Variants in IFNAR2 observed in about 807,000 individuals in gnomAD.
IFNAR2 encodes the protein interferon alpha and beta receptor subunit 2.
IFNAR2 carries 30 observed loss-of-function variants against 49.4 expected under a neutral mutation model. The observed-to-expected ratio is 0.61, with a 90% confidence interval of 0.45 to 0.82. The LOEUF is 0.82. Ranked by LOEUF, IFNAR2 falls within the 40% of genes least tolerant of loss-of-function variation. IFNAR2 has a pLI of 0.00. For synonymous variants in IFNAR2, 224 were observed against 234.5 expected, an observed-to-expected ratio of 0.96 and a Z score of 0.41; for missense variants, 600 against 622.7, an observed-to-expected ratio of 0.96 and a Z score of 0.39.
intron 2 of IFNAR2, among the ~76,000 whole-genome samples, chr21:33,242,978 A>G (rs2038730329): frequency 6.6e-6 from 1 of 151,130 alleles, no homozygotes; most frequent in South Asian, 2.1e-4. Context: ...TAGTAGAGAC[A>G]AGGTTTCACC....
At chr21:33,262,336 C>T (rs1359288834) in intron 8 of IFNAR2, among the ~76,000 whole-genome samples, 1 of 146,130 alleles carries the variant, frequency 6.8e-6, no homozygotes, top group Non-Finnish European at 1.5e-5. Flanking sequence ...TGCACTCCAG[C>T]CTGGGCAACA....
intron 1 of IFNAR2, among the ~76,000 whole-genome samples, chr21:33,241,466 T>G (rs1986916593): frequency 6.6e-6 from 1 of 152,188 alleles, no homozygotes. Flanking sequence ...CCAAACATAT[T>G]TTTAAGTGGA....
In IFNAR2 at chr21:33,230,853, C is replaced by A. The variant is rs150734153; in HGVS notation, c.-84+637C>A. ...GGAGAGGGGAGATACTGGGAAGATA[C>A]TCCGCGAATATGGAGAGGCGATCGG... On this transcript the variant is annotated intron_variant, in intron 1 of 8. Transcript: ENST00000342136. This position sits in a 1 kb window ranked among gnomAD's most constrained non-coding sequence, Gnocchi z 5.5. 1.3e-5 allele frequency among the ~76,000 whole-genome samples: 2 copies of A among 152,292 alleles called. No homozygotes were observed. Among genetic ancestry groups the A allele is most frequent in the Non-Finnish European group, 2.9e-5 (2 of 68,024 alleles).
At chr21:33,238,068 C>G (rs907584959) in intron 1 of IFNAR2, among the ~76,000 whole-genome samples, 4 of 152,182 alleles carry the variant, frequency 2.6e-5, no homozygotes, top group Non-Finnish European at 5.9e-5. Flanking sequence ...CACAATCTTC[C>G]TGCGTATCAT....
intron 1 of IFNAR2, among the ~76,000 whole-genome samples, chr21:33,235,913 T>C (rs1986414147): frequency 6.6e-6 from 1 of 151,746 alleles, no homozygotes; most frequent in Admixed American, 6.6e-5. Context: ...GGGGACAGAG[T>C]GAGACTCTGT....
chr21:33,238,031 A>T (rs1201526825), intron 1 of IFNAR2, among the ~76,000 whole-genome samples: 1 of 152,152 alleles, frequency 6.6e-6, no homozygotes, highest in Non-Finnish European at 1.5e-5. Context: ...ATGGCCCAGG[A>T]CATACGACCC....
chr21:33,230,507 C>T lies in IFNAR2; in HGVS notation c.-84+291C>T, dbSNP rs1266608105. The T allele has an allele frequency of 2.1e-6, 1 of 470,410 alleles. No individual in the cohort carries two copies. Among genetic ancestry groups the T allele is most frequent in the East Asian group, 7.0e-5 (1 of 14,286 alleles). The allele number at this position is 470,410 out of a possible 1,614,324, so 29.1% of individuals were successfully genotyped here. On this transcript the variant is annotated intron_variant, in intron 1 of 8. Transcript: ENST00000342136. This position sits in a 1 kb window ranked among gnomAD's most constrained non-coding sequence, Gnocchi z 5.5. The stretch of plus-strand genomic sequence containing the variant: ...TTTCGTTGCACCCCTCCGCGTCCCA[C>T]CCCACCCCACCAAGGATGCCCAGGA...
At chr21:33,252,438 G>A (rs1452270786) in intron 6 of IFNAR2, 1 of 984,274 alleles carries the variant, frequency 1.0e-6, no homozygotes, top group Non-Finnish European at 1.2e-6. Context: ...TAGACTAGAT[G>A]TCATGGTTAT....
At position 33,248,340 on chromosome 21, in the gene IFNAR2, C is replaced by T. The variant is rs528324622; in HGVS notation, c.395-369C>T. On this transcript the variant is annotated intron_variant, in intron 5 of 8. Transcript: ENST00000342136. ...CGAGCAACATGGGGAAACCCTATGT[C>T]TACATTAAAAAAGAAAGAGAGAAAG... Among the ~76,000 whole-genome samples the T allele has an allele frequency of 1.3e-3, 155 of 118,128 alleles. 1 individual carries two copies. The highest frequency in any genetic ancestry group is 1.0e-3 in the Non-Finnish European group (66 of 63,298). The allele number at this position is 118,128 out of a possible 152,430, so 77.5% of individuals were successfully genotyped here.
chr21:33,230,360 T>C lies in IFNAR2; in HGVS notation c.-84+144T>C. 1 of 683,902 alleles carries C rather than the reference T, an allele frequency of 1.5e-6. No homozygotes were observed. The highest frequency in any genetic ancestry group is 2.0e-6 in the Non-Finnish European group (1 of 487,984). The allele number at this position is 683,902 out of a possible 1,614,324, so 42.4% of individuals were successfully genotyped here. A position where few individuals can be genotyped will look rare whatever the true frequency, so the allele number is the denominator to read the frequency against. The stretch of plus-strand genomic sequence containing the variant: ...CTCCTCCTCCTCCTCCTGCCCTCCC[T>C]CTGCGTCTTGAGTATGCGGCTAGTG... On this transcript the variant is annotated intron_variant, in intron 1 of 8. Transcript: ENST00000342136. The surrounding 1 kb of genome is among the most constrained non-coding windows in gnomAD (Gnocchi z 5.5).
chr21:33,233,844 C>T (rs1031865067), intron 1 of IFNAR2, among the ~76,000 whole-genome samples: 2 of 151,066 alleles, frequency 1.3e-5, no homozygotes, highest in Admixed American at 6.6e-5. Flanking sequence ...AGAAGTAATA[C>T]ATCTATAGAA....
intron 6 of IFNAR2, chr21:33,252,090 A>T (rs1464938157): frequency 1.4e-5 from 6 of 440,128 alleles, no homozygotes; most frequent in Admixed American, 1.3e-4. Flanking sequence ...CCATCTATCT[A>T]TCTATCTATC....
intron 1 of IFNAR2, among the ~76,000 whole-genome samples, chr21:33,237,787 A>G (rs1267615448): frequency 1.3e-5 from 2 of 152,178 alleles, no homozygotes; most frequent in Non-Finnish European, 2.9e-5. Context: ...GATTTCTCTA[A>G]GAGAATACCC....
intron 1 of IFNAR2, among the ~76,000 whole-genome samples, chr21:33,238,937 T>C (rs542974855): frequency 2.1e-4 from 32 of 152,200 alleles, no homozygotes; most frequent in Non-Finnish European, 4.3e-4. Context: ...CAAATTAATA[T>C]TAATGTGAAA....
At chr21:33,244,001 G>A (rs1394895455) in intron 3 of IFNAR2, among the ~76,000 whole-genome samples, 1 of 152,178 alleles carries the variant, frequency 6.6e-6, no homozygotes, top group East Asian at 1.9e-4. Flanking sequence ...GACACAGACT[G>A]TGCCAAATAA....
Position 33,242,768 on chromosome 21 carries a change from T to C in IFNAR2, c.55+791T>C, listed in dbSNP as rs1418105947. ...AAAAAATCTCGTGTGCGTGTGTGTG[T>C]GTGTGTGTGTGTGTGTGTGTGTGTG... is the stretch of plus-strand genomic sequence containing the variant. On this transcript the variant is annotated intron_variant, in intron 2 of 8. Coordinates refer to ENST00000342136, the MANE Select transcript of IFNAR2 (RefSeq NM_001289125.3). 1.8e-3 allele frequency among the ~76,000 whole-genome samples: 20 copies of C among 11,202 alleles called. 5 individuals are homozygous for C. The highest frequency in any genetic ancestry group is 5.6e-3 in the African/African-American group (7 of 1,254). The allele number at this position is 11,202 out of a possible 152,430, so 7.3% of individuals were successfully genotyped here. A position where few individuals can be genotyped will look rare whatever the true frequency, so the allele number is the denominator to read the frequency against.
rs574000456 is a variant in IFNAR2 at position 33,252,945 on chromosome 21, C to G, written c.709+115C>G. The G allele has an allele frequency of 7.5e-5, 62 of 830,910 alleles. No homozygotes were observed. In the East Asian group the frequency reaches 1.5e-3, roughly 20 times the overall value. The allele number at this position is 830,910 out of a possible 1,614,324, so 51.5% of individuals were successfully genotyped here. A position where few individuals can be genotyped will look rare whatever the true frequency, so the allele number is the denominator to read the frequency against. ...TCATGGAGCACTAAAGGTCTTTCTT[C>G]CAGTAAACACCTCACAGAGATGTTT... On this transcript the variant is annotated intron_variant, in intron 7 of 8. Coordinates refer to ENST00000342136, the MANE Select transcript of IFNAR2 (RefSeq NM_001289125.3).
At chr21:33,245,200 G>T in intron 4 of IFNAR2, 126 bp downstream of exon 4, 1 of 698,102 alleles carries the variant, frequency 1.4e-6, no homozygotes, top group Non-Finnish European at 2.4e-6. Flanking sequence ...TTCTCTCTGC[G>T]TTTCTTATTC....
intron 1 of IFNAR2, among the ~76,000 whole-genome samples, chr21:33,240,026 A>G (rs996643449): frequency 6.6e-6 from 1 of 151,238 alleles, no homozygotes; most frequent in African/African-American, 2.4e-5. Flanking sequence ...CACAGCCCTC[A>G]ATGTTGTGAG....
Sources: allele counts gnomAD v4.1 joint callset (sites outside exome capture counted in the v4.1 genomes callset), GRCh38; gene constraint gnomAD v4.1.1; non-coding constraint Gnocchi (gnomAD v3.1); transcripts MANE v1.5; gene names NCBI Gene and HGNC (gene_info 2026-07-23, HGNC 2026-07-21).